The following SLC30A8 variants were observed in gnomAD, a reference collection of about 807,000 sequenced individuals.
The protein encoded by SLC30A8 is solute carrier family 30 member 8, also known as proton-coupled zinc antiporter SLC30A8.
SLC30A8 carries 27 observed loss-of-function variants against 36.9 expected under a neutral mutation model. The observed-to-expected ratio is 0.73, with a 90% CI of 0.54 to 1.01. The LOEUF (loss-of-function observed/expected upper bound fraction) is 1.01, where lower values mean the gene tolerates loss of function less well. SLC30A8 is among the 50% of genes least tolerant of loss of function. The pLI is 0.00. For synonymous variants in SLC30A8, 164 were observed against 172.4 expected (o/e 0.95, Z 0.38); for missense variants, 439 against 452.0 (o/e 0.97, Z 0.26).
chr8:116,990,293 T>C (rs933707400), intron 1 of SLC30A8, among the ~76,000 whole-genome samples: 1 of 152,124 alleles, frequency 6.6e-6, no homozygotes, highest in South Asian at 2.1e-4. Context: ...TGAATATGGC[T>C]TCTGAAGAAT....
intron 3 of SLC30A8, among the ~76,000 whole-genome samples, chr8:117,153,407 AAG>A (rs1366537459): frequency 6.6e-6 from 1 of 152,140 alleles, no homozygotes; most frequent in East Asian, 1.9e-4. Flanking sequence ...GCATCCCTGG[AAG>A]AGAGGATAGG....
In SLC30A8 at chr8:117,093,935, A is replaced by G. The variant is rs372041711; in HGVS notation, c.-225-41345A>G. ...CACAGGCAGGCACACCAACTGGGGC[A>G]GGGTGGGCAGCTCCACGGACCAGCA... is the stretch of plus-strand genomic sequence containing the variant. On this transcript the variant is annotated intron_variant, in intron 2 of 10. Transcript: ENST00000427715. Among the ~76,000 whole-genome samples, 12 of 152,364 alleles carry G rather than the reference A, an allele frequency of 7.9e-5. No individual in the cohort carries two copies. In the East Asian group the frequency reaches 9.6e-4, roughly 12 times the overall value.
chr8:117,162,015 T>A, intron 5 of SLC30A8, 127 bp downstream of exon 5: 1 of 725,370 alleles, frequency 1.4e-6, no homozygotes, highest in Non-Finnish European at 2.1e-6. Context: ...TTTGCAAAGC[T>A]AAAGCAAGCA....
intron 1 of SLC30A8, among the ~76,000 whole-genome samples, chr8:116,975,148 C>T (rs1586348470): frequency 6.6e-6 from 1 of 152,054 alleles, no homozygotes; most frequent in South Asian, 2.1e-4. Context: ...TGTAACAAAC[C>T]TGCACATTGT....
At chr8:117,044,736 G>A (rs1053799701) in intron 2 of SLC30A8, among the ~76,000 whole-genome samples, 5 of 152,154 alleles carry the variant, frequency 3.3e-5, no homozygotes, top group African/African-American at 1.2e-4. Flanking sequence ...TCAATTAGAG[G>A]GAAAGAGAAA....
At chr8:117,056,330 C>G (rs189507756) in intron 2 of SLC30A8, among the ~76,000 whole-genome samples, 1 of 152,272 alleles carries the variant, frequency 6.6e-6, no homozygotes, top group Admixed American at 6.5e-5. Flanking sequence ...TTCCCTTTCC[C>G]TGCTCACTTT....
At chr8:117,060,870 T>C (rs1336469815) in intron 2 of SLC30A8, among the ~76,000 whole-genome samples, 1 of 152,234 alleles carries the variant, frequency 6.6e-6, no homozygotes, top group East Asian at 1.9e-4. Context: ...TTATTTATTT[T>C]TAGTTCAAAA....
intron 2 of SLC30A8, among the ~76,000 whole-genome samples, chr8:117,118,192 A>C (rs1820536481): frequency 2.0e-5 from 3 of 150,840 alleles, no homozygotes; most frequent in South Asian, 2.1e-4. Context: ...AAAAAAAAAA[A>C]ACCAAAAAAC....
chr8:117,119,059 T>C (rs1163873805), intron 2 of SLC30A8, among the ~76,000 whole-genome samples: 1 of 151,870 alleles, frequency 6.6e-6, no homozygotes, highest in Non-Finnish European at 1.5e-5. Context: ...GTAAGGAATA[T>C]AGAGGCCTAA....
At chr8:117,141,803 GACA>G (rs901929608) in intron 1 of SLC30A8, among the ~76,000 whole-genome samples, 26 of 152,248 alleles carry the variant, frequency 1.7e-4, no homozygotes, top group African/African-American at 6.0e-4. Context: ...CAATTGGGAA[GACA>G]ACAAAATAAA....
chr8:117,054,731 G>T (rs1382601292), intron 2 of SLC30A8, among the ~76,000 whole-genome samples: 4 of 151,446 alleles, frequency 2.6e-5, no homozygotes, highest in African/African-American at 9.7e-5. Context: ...AATGATAAAG[G>T]GTTGCAGAGG....
chr8:117,090,648 C>A (rs1264442062), intron 2 of SLC30A8, among the ~76,000 whole-genome samples: 1 of 152,094 alleles, frequency 6.6e-6, no homozygotes, highest in East Asian at 1.9e-4. Flanking sequence ...TAAGCACATA[C>A]CAAAGGCTTC....
intron 1 of SLC30A8, among the ~76,000 whole-genome samples, chr8:117,000,364 G>A (rs1383102413): frequency 4.6e-5 from 7 of 152,120 alleles, no homozygotes; most frequent in Admixed American, 4.6e-4. Context: ...GGGCCCTGAC[G>A]CTTCCAGTCC....
chr8:116,988,310 G>A lies in SLC30A8; in HGVS notation c.-266+37191G>A, dbSNP rs78220322. On this transcript the variant is annotated intron_variant, in intron 1 of 10. Coordinates refer to the SLC30A8 transcript ENST00000427715. ...TCCACTTTTCATGCTGTTATATTGC[G>A]TACTGCATAGTCAACTGATACCGTT... is the stretch of plus-strand genomic sequence containing the variant. Among the ~76,000 whole-genome samples, 562 of 152,270 alleles carry A rather than the reference G, an allele frequency of 3.7e-3. 11 individuals carry two copies. The East Asian group carries it at 0.04, about 11-fold the overall frequency.
chr8:117,090,858 A>G (rs1052333148), intron 2 of SLC30A8, among the ~76,000 whole-genome samples: 1 of 152,164 alleles, frequency 6.6e-6, no homozygotes, highest in Non-Finnish European at 1.5e-5. Context: ...TGTCTCTCCC[A>G]CTAGACTTAG....
At chr8:116,988,138 G>A (rs925389856) in intron 1 of SLC30A8, among the ~76,000 whole-genome samples, 1 of 152,192 alleles carries the variant, frequency 6.6e-6, no homozygotes, top group Non-Finnish European at 1.5e-5. Flanking sequence ...AGTGATGTAT[G>A]TGCTCATTCT....
intron 1 of SLC30A8, among the ~76,000 whole-genome samples, chr8:116,975,615 A>G (rs1356194350): frequency 1.3e-5 from 2 of 152,218 alleles, no homozygotes; most frequent in African/African-American, 4.8e-5. Flanking sequence ...AGAAAAAGGT[A>G]GACTATCATG....
At chr8:116,954,914 G>A (rs1490653186) in intron 1 of SLC30A8, among the ~76,000 whole-genome samples, 1 of 152,222 alleles carries the variant, frequency 6.6e-6, no homozygotes, top group Non-Finnish European at 1.5e-5. Context: ...GGTCTACAAA[G>A]TACAGGTATA....
At chr8:117,059,348 G>T (rs1817963363) in intron 2 of SLC30A8, among the ~76,000 whole-genome samples, 1 of 152,320 alleles carries the variant, frequency 6.6e-6, no homozygotes, top group South Asian at 2.1e-4. Flanking sequence ...AAGCCACATT[G>T]ATTTAGAAAA....
Sources: allele counts gnomAD v4.1 joint callset (sites outside exome capture counted in the v4.1 genomes callset), GRCh38; gene constraint gnomAD v4.1.1; transcripts MANE v1.5; gene names NCBI Gene and HGNC (gene_info 2026-07-23, HGNC 2026-07-21).